The following HNRNPA1L2 variants were observed in gnomAD, a reference collection of about 807,000 sequenced individuals.
HNRNPA1L2 encodes heterogeneous nuclear ribonucleoprotein A1-like 2.
In HNRNPA1L2, 10 loss-of-function variants were observed where a neutral mutation model predicts 18.2. That is an observed-to-expected ratio of 0.55 (90% CI 0.34 to 0.93). The LOEUF is 0.93. HNRNPA1L2 is among the 40% of genes least tolerant of loss of function. The probability of loss-of-function intolerance (pLI) is 0.02; values close to 1 mark genes in which losing one functional copy is unlikely to be tolerated. For missense variants in HNRNPA1L2, 308 were observed against 394.4 expected, an observed-to-expected ratio of 0.78 and a Z score of 1.85; for synonymous variants, 124 against 138.6, an observed-to-expected ratio of 0.89 and a Z score of 0.74.
At chr13:52,633,194 G>C in the HNRNPA1L2 span, among the ~76,000 whole-genome samples, 2 of 152,228 alleles carry the variant, frequency 1.3e-5, no homozygotes, top group South Asian at 2.1e-4. Context: ...TAAAGACATA[G>C]TGGTTCCTGT....
chr13:52,622,029 G>A, the HNRNPA1L2 span: 2,097 of 157,202 alleles, frequency 0.013, 45 homozygotes, highest in African/African-American at 0.049. Flanking sequence ...CACTAACGGC[G>A]CTATCTGTAG....
chr13:52,642,430 A>G, upstream of HNRNPA1L2: 2 of 1,590,910 alleles, frequency 1.3e-6, no homozygotes, highest in South Asian at 1.2e-5. Context: ...TCTCTGGTGG[A>G]CTTTTTCTGC....
the HNRNPA1L2 span, among the ~76,000 whole-genome samples, chr13:52,628,536 G>T: frequency 6.6e-6 from 1 of 152,100 alleles, no homozygotes; most frequent in Non-Finnish European, 1.5e-5. Flanking sequence ...AAATACAAGG[G>T]CAATAAATAA....
At chr13:52,624,153 C>T in the HNRNPA1L2 span, among the ~76,000 whole-genome samples, 1 of 152,170 alleles carries the variant, frequency 6.6e-6, no homozygotes, top group African/African-American at 2.4e-5. Flanking sequence ...CTCGCTCTGT[C>T]ACCCAGGCTG....
At chr13:52,641,490 C>A (rs1356005573), upstream of HNRNPA1L2, 1 of 152,208 alleles carries the variant, frequency 6.6e-6, no homozygotes, top group East Asian at 1.9e-4. Context: ...TATCCTGCTT[C>A]TGTAATATTT....
At chr13:52,617,799 G>A in the HNRNPA1L2 span, 2 of 397,620 alleles carry the variant, frequency 5.0e-6, no homozygotes, top group Non-Finnish European at 9.0e-6. Flanking sequence ...CTGGGTTTTA[G>A]AAGCTATTGC....
At chr13:52,626,875 T>TC in the HNRNPA1L2 span, among the ~76,000 whole-genome samples, 1 of 152,204 alleles carries the variant, frequency 6.6e-6, no homozygotes, top group African/African-American at 2.4e-5. Flanking sequence ...GATTGTTTTT[T>TC]CACCTCAGAT....
Position 52,643,714 on chromosome 13 carries a change from T to G in HNRNPA1L2, c.*259T>G, listed in dbSNP as rs1961743770. 1 of 502,902 alleles carries G rather than the reference T, an allele frequency of 2.0e-6. No homozygotes were observed. The allele number at this position is 502,902 out of a possible 1,614,324, so 31.2% of individuals were successfully genotyped here. On this transcript the variant is annotated 3_prime_UTR_variant, in exon 1 of 1. Transcript: ENST00000357495. The stretch of plus-strand genomic sequence containing the variant: ...TCCAACAAAGTGTTTTAATGTAGAT[T>G]TTTTTTTTTGCACCCATGCTGTTGA...
chr13:52,628,418 G>C, the HNRNPA1L2 span, among the ~76,000 whole-genome samples: 1 of 151,986 alleles, frequency 6.6e-6, no homozygotes, highest in Admixed American at 6.6e-5. Flanking sequence ...CCTCCAGTCT[G>C]GGCGACAGCG....
At chr13:52,623,561 C>T in the HNRNPA1L2 span, among the ~76,000 whole-genome samples, 70,028 of 151,290 alleles carry the variant, frequency 0.46, 16,289 homozygotes, top group Admixed American at 0.51. Flanking sequence ...GACTGGTGAA[C>T]AAGGTGCATC....
upstream of HNRNPA1L2, among the ~76,000 whole-genome samples, chr13:52,639,193 T>C (rs1254621433): frequency 2.0e-5 from 3 of 152,198 alleles, no homozygotes; most frequent in Admixed American, 6.5e-5. Flanking sequence ...CTGTTTTTCA[T>C]GTTTAGGACA....
chr13:52,642,584 G>A lies in HNRNPA1L2; in HGVS notation c.92G>A (p.Arg31Lys). 2 of 1,611,958 alleles carry A rather than the reference G, an allele frequency of 1.2e-6. No individual in the cohort carries two copies. The highest frequency in any genetic ancestry group is 1.1e-5 in the South Asian group (1 of 90,966). Residue 31 changes from arginine (R) to lysine (K), a missense_variant, in exon 1 of 1, where the codon AGG becomes AAG. Arg to Lys is a conservative substitution (Grantham distance 26). Coordinates refer to ENST00000357495, the MANE Select transcript of HNRNPA1L2 (RefSeq NM_001389320.1). ...TTTGAAACAACTGATGAGAGCCTGA[G>A]GAGCCATTTTGAGCAATGGGGAACG... ...LSFETTDESLRSHFEQWGTLT... is the reference protein window; with the variant it reads ...LSFETTDESLKSHFEQWGTLT...
chr13:52,628,920 G>A, the HNRNPA1L2 span, among the ~76,000 whole-genome samples: 6,628 of 151,782 alleles, frequency 0.044, 195 homozygotes, highest in Admixed American at 0.098. Flanking sequence ...TTGTCTCCTC[G>A]GCTGGACTGC....
chr13:52,631,804 G>A, the HNRNPA1L2 span, among the ~76,000 whole-genome samples: 4 of 152,136 alleles, frequency 2.6e-5, no homozygotes, highest in Non-Finnish European at 4.4e-5. Context: ...TATCAAGTTT[G>A]CAAGAAAATG....
the HNRNPA1L2 span, among the ~76,000 whole-genome samples, chr13:52,620,481 G>A: frequency 6.6e-6 from 1 of 152,196 alleles, no homozygotes; most frequent in Non-Finnish European, 1.5e-5. Context: ...CTGTAATGTG[G>A]TCCCCTGATC....
In HNRNPA1L2 at chr13:52,643,239, T is replaced by A; in HGVS notation, c.747T>A (p.Asn249Lys). ...GSGDGYNGFG[N>K]DGSNFGGGGS... ...GGGATGGCTATAATGGATTTGGTAA[T>A]GATGGAAGCAATTTTGGAGGTGGTG... Residue 249 changes from asparagine (N) to lysine (K), a missense_variant, in exon 1 of 1, where the codon AAT (asparagine) becomes AAA (lysine). Asn to Lys is a moderately conservative substitution (Grantham distance 94). Transcript: ENST00000357495. 1 of 1,596,452 alleles carries A rather than the reference T, an allele frequency of 6.3e-7. No homozygotes were observed. Among genetic ancestry groups the A allele is most frequent in the South Asian group, 1.1e-5 (1 of 90,958 alleles).
the HNRNPA1L2 span, among the ~76,000 whole-genome samples, chr13:52,621,579 T>C: frequency 6.6e-6 from 1 of 152,198 alleles, no homozygotes; most frequent in Non-Finnish European, 1.5e-5. Flanking sequence ...AGGAACAGAT[T>C]TGGGAGCACC....
At chr13:52,632,788 C>G in the HNRNPA1L2 span, among the ~76,000 whole-genome samples, 1 of 152,222 alleles carries the variant, frequency 6.6e-6, no homozygotes, top group Non-Finnish European at 1.5e-5. Flanking sequence ...CCTCTTATCT[C>G]TAAACTGCTT....
the HNRNPA1L2 span, chr13:52,629,489 T>A: frequency 6.3e-6 from 1 of 158,372 alleles, no homozygotes; most frequent in African/African-American, 2.4e-5. Context: ...TTTACATCTG[T>A]GTTCTTACTC....
Sources: allele counts gnomAD v4.1 joint callset (sites outside exome capture counted in the v4.1 genomes callset), GRCh38; gene constraint gnomAD v4.1.1; transcripts MANE v1.5; gene names NCBI Gene and HGNC (gene_info 2026-07-23, HGNC 2026-07-21).